The following KIAA0753 variants were observed in gnomAD, a reference collection of about 807,000 sequenced individuals.
KIAA0753 encodes protein moonraker.
In KIAA0753, 114 loss-of-function variants were observed where a neutral mutation model predicts 116.9. The observed-to-expected ratio is 0.98, with a 90% CI of 0.84 to 1.14. The LOEUF (loss-of-function observed/expected upper bound fraction) is 1.14. Among genes scored for constraint, KIAA0753 ranks in the 50% most tolerant of loss-of-function variants. The probability of loss-of-function intolerance (pLI) is 0.00; values close to 1 mark genes in which losing one functional copy is unlikely to be tolerated. For missense variants in KIAA0753, 1,156 were observed against 1,172.4 expected, an observed-to-expected ratio of 0.99 and a Z score of 0.20; for synonymous variants, 405 against 413.1, an observed-to-expected ratio of 0.98 and a Z score of 0.24.
At chr17:6,624,965 G>T in intron 3 of KIAA0753, 104 bp from the exon 4 acceptor site, 1 of 770,694 alleles carries the variant, frequency 1.3e-6, no homozygotes, top group Non-Finnish European at 2.1e-6. Context: ...AAGATCTCTG[G>T]TTTTATTAAG....
rs60310389 is a variant in KIAA0753 at position 6,615,614 on chromosome 17, C to CAAAAAAAAA, written c.1316-3475_1316-3467dup. The stretch of plus-strand genomic sequence containing the variant: ...TGGGCAACAGAGCGAGACTCCGTCT[C>CAAAAAAAAA]AAAAAAAAAAAAAAAAAAAAAAAAA... On this transcript the variant is annotated intron_variant, in intron 7 of 18. Coordinates refer to ENST00000361413, the MANE Select transcript of KIAA0753 (RefSeq NM_014804.3). 3.9e-4 allele frequency among the ~76,000 whole-genome samples: 23 copies of CAAAAAAAAA among 58,760 alleles called. 1 individual carries two copies. The highest frequency in any genetic ancestry group is 1.3e-3 in the African/African-American group (20 of 15,302). The allele number at this position is 58,760 out of a possible 152,430, so 38.5% of individuals were successfully genotyped here. A position where few individuals can be genotyped will look rare whatever the true frequency, so the allele number is the denominator to read the frequency against.
At chr17:6,630,887 TA>T (rs1468449774) in intron 2 of KIAA0753, among the ~76,000 whole-genome samples, 1 of 152,024 alleles carries the variant, frequency 6.6e-6, no homozygotes, top group Non-Finnish European at 1.5e-5. Flanking sequence ...CATGAGAAAA[TA>T]TATATACATC....
intron 16 of KIAA0753, among the ~76,000 whole-genome samples, chr17:6,592,582 T>C (rs1343908021): frequency 6.6e-6 from 1 of 152,144 alleles, no homozygotes; most frequent in Non-Finnish European, 1.5e-5. Flanking sequence ...GTCTTTTCAG[T>C]AAATGGAACT....
At chr17:6,580,011 G>A (rs894755413) in intron 18 of KIAA0753, 147 bp from the exon 19 acceptor site, 8 of 574,910 alleles carry the variant, frequency 1.4e-5, no homozygotes, top group East Asian at 6.3e-5. Context: ...GGTGAAACCC[G>A]GTCTCTACTA....
At chr17:6,626,301 A>C (rs1319913824) in intron 3 of KIAA0753, among the ~76,000 whole-genome samples, 1 of 152,242 alleles carries the variant, frequency 6.6e-6, no homozygotes, top group Non-Finnish European at 1.5e-5. Flanking sequence ...TCAATTAGTA[A>C]AAGTGTATTT....
At chr17:6,587,340 G>C (rs1317661565) in intron 18 of KIAA0753, among the ~76,000 whole-genome samples, 1 of 152,180 alleles carries the variant, frequency 6.6e-6, no homozygotes, top group Non-Finnish European at 1.5e-5. Flanking sequence ...GGAAAATATT[G>C]TAAAAATCCA....
intron 6 of KIAA0753, 144 bp downstream of exon 6, chr17:6,622,737 AG>A (rs1971410197): frequency 1.5e-6 from 1 of 680,108 alleles, no homozygotes; most frequent in Non-Finnish European, 2.5e-6. Context: ...CAAAACAAAA[AG>A]AAGTGTTTCT....
At chr17:6,631,933 A>G (rs1013045454) in intron 2 of KIAA0753, among the ~76,000 whole-genome samples, 5 of 152,172 alleles carry the variant, frequency 3.3e-5, no homozygotes, top group South Asian at 2.1e-4. Flanking sequence ...CCCAGGCTGG[A>G]GTGCAGTGGC....
intron 8 of KIAA0753, among the ~76,000 whole-genome samples, chr17:6,611,646 A>G (rs1353161038): frequency 6.6e-6 from 1 of 152,196 alleles, no homozygotes; most frequent in East Asian, 1.9e-4. Flanking sequence ...AAGCAGAAAA[A>G]AAACTGAATT....
At chr17:6,633,678 C>T (rs1972138951) in intron 2 of KIAA0753, among the ~76,000 whole-genome samples, 1 of 152,074 alleles carries the variant, frequency 6.6e-6, no homozygotes, top group African/African-American at 2.4e-5. Context: ...CTGTGGTATA[C>T]TCATAGTATG....
At position 6,590,014 on chromosome 17, in the gene KIAA0753, A is replaced by G. The variant is rs764918450; in HGVS notation, c.2562-11T>C. ...CTTTCATCCAGGGAACTGAGAACAA[A>G]TAAAAATGATGAAAGCATTCAAGAT... is the stretch of plus-strand genomic sequence containing the variant. On this transcript the variant is annotated splice_polypyrimidine_tract_variant and intron_variant, in intron 17 of 18. Transcript: ENST00000361413. 3.9e-6 allele frequency: 6 copies of G among 1,526,966 alleles called. No homozygotes were observed. In the South Asian group the frequency reaches 7.8e-5, roughly 20 times the overall value. The allele number at this position is 1,526,966 out of a possible 1,614,324, so 94.6% of individuals were successfully genotyped here.
chr17:6,627,977 T>G, intron 3 of KIAA0753, 140 bp downstream of exon 3: 1 of 763,010 alleles, frequency 1.3e-6, no homozygotes, highest in South Asian at 1.9e-5. Context: ...TGTCTTGTCC[T>G]GAGTACTCAC....
At chr17:6,600,164 C>T (rs1969765845) in intron 13 of KIAA0753, among the ~76,000 whole-genome samples, 3 of 152,192 alleles carry the variant, frequency 2.0e-5, no homozygotes, top group Admixed American at 2.0e-4. Context: ...ACTAAAATCT[C>T]AACTTTCTCA....
chr17:6,606,408 T>A (rs1970197042), intron 12 of KIAA0753, among the ~76,000 whole-genome samples: 2 of 152,216 alleles, frequency 1.3e-5, no homozygotes, highest in African/African-American at 4.8e-5. Context: ...ATGTCTATAG[T>A]GCCTATAGTT....
In KIAA0753 at chr17:6,590,520, A is replaced by G; in HGVS notation, c.2551T>C (p.Cys851Arg). The change falls in exon 17 of 19, where the codon TGT (cysteine) becomes CGT (arginine). Residue 851 changes from cysteine to arginine, a missense_variant. Coordinates refer to ENST00000361413, the MANE Select transcript of KIAA0753 (RefSeq NM_014804.3). Reference protein sequence around the residue: ...PAVNIMLERPCNGNSLDESVG... With the variant: ...PAVNIMLERPRNGNSLDESVG... ...GTCTTTGCCACTTACTTGCCATTAC[A>G]GGGCCTTTCTAACATGATGTTCACG... is the stretch of plus-strand genomic sequence containing the variant. 1 of 1,614,008 alleles carries G rather than the reference A, an allele frequency of 6.2e-7. No homozygotes were observed. Among genetic ancestry groups the G allele is most frequent in the Non-Finnish European group, 8.5e-7 (1 of 1,179,902 alleles).
chr17:6,599,365 G>T, intron 13 of KIAA0753, 45 bp from the exon 14 acceptor site: 1 of 1,240,356 alleles, frequency 8.1e-7, no homozygotes, highest in Non-Finnish European at 1.2e-6. Context: ...AAGACTTATA[G>T]CTCCTATTAG....
intron 7 of KIAA0753, among the ~76,000 whole-genome samples, chr17:6,618,885 T>A (rs1971109376): frequency 6.6e-6 from 1 of 152,132 alleles, no homozygotes; most frequent in African/African-American, 2.4e-5. Flanking sequence ...ATGTCATTAA[T>A]CTCATTAAAT....
chr17:6,609,548 T>C (rs1970399438), intron 9 of KIAA0753, among the ~76,000 whole-genome samples: 1 of 152,260 alleles, frequency 6.6e-6, no homozygotes. Context: ...TTATAGTTCA[T>C]AATTATCTTG....
chr17:6,637,096 T>C (rs60611645), intron 1 of KIAA0753: 12,162 of 152,546 alleles, frequency 0.08, 871 homozygotes, highest in African/African-American at 0.19. Flanking sequence ...TCCCAAAATA[T>C]TCCCACCTCC....
Sources: allele counts gnomAD v4.1 joint callset (sites outside exome capture counted in the v4.1 genomes callset), GRCh38; gene constraint gnomAD v4.1.1; transcripts MANE v1.5; gene names NCBI Gene and HGNC (gene_info 2026-07-23, HGNC 2026-07-21).